Variants in ZBTB4 observed in about 807,000 individuals in gnomAD.
ZBTB4 encodes the protein zinc finger and BTB domain-containing protein 4.
Under a neutral mutation model 59.8 loss-of-function variants are expected in ZBTB4, and 14 were observed. That is an observed-to-expected ratio of 0.23 (90% CI 0.15 to 0.37). ZBTB4 has a LOEUF of 0.37. ZBTB4 is among the 10% of genes least tolerant of loss of function. The probability of loss-of-function intolerance (pLI) is 1.00; values close to 1 mark genes in which losing one functional copy is unlikely to be tolerated. For synonymous variants in ZBTB4, 587 were observed against 575.2 expected (o/e 1.02, Z -0.29); for missense variants, 1,198 against 1,380.8 (o/e 0.87, Z 2.10).
At chr17:7,465,017 G>C (rs777047070) in intron 3 of ZBTB4, among the ~76,000 whole-genome samples, 1 of 151,160 alleles carries the variant, frequency 6.6e-6, no homozygotes, top group East Asian at 1.9e-4. Flanking sequence ...TTAGCCGGGC[G>C]TGATGGCGGG....
intron 1 of ZBTB4, among the ~76,000 whole-genome samples, chr17:7,475,223 C>A (rs1226011267): frequency 6.6e-6 from 1 of 151,470 alleles, no homozygotes; most frequent in East Asian, 2.0e-4. Flanking sequence ...CGCCTGTAAC[C>A]CCAGCTACCC....
chr17:7,482,385 G>C (rs368097455), upstream of ZBTB4: 14 of 1,613,980 alleles, frequency 8.7e-6, no homozygotes, highest in East Asian at 2.7e-4. Flanking sequence ...GCCACTGTTC[G>C]CAAAGGTTCT....
chr17:7,464,961 A>C (rs184655236), intron 3 of ZBTB4, among the ~76,000 whole-genome samples: 4,203 of 141,372 alleles, frequency 0.03, 114 homozygotes, highest in East Asian at 0.11. Flanking sequence ...TCGAGACCAT[A>C]CTGGCTAACA....
chr17:7,474,668 C>T (rs898952136), intron 1 of ZBTB4, among the ~76,000 whole-genome samples: 4 of 152,116 alleles, frequency 2.6e-5, no homozygotes, highest in African/African-American at 9.7e-5. Flanking sequence ...TGGAAGCCAT[C>T]GTCCACGCTG....
intron 1 of ZBTB4, among the ~76,000 whole-genome samples, chr17:7,469,974 C>G (rs1158728816): frequency 6.6e-6 from 1 of 151,506 alleles, no homozygotes; most frequent in Non-Finnish European, 1.5e-5. Context: ...CCCAGCTACT[C>G]GGTAGGCTGG....
chr17:7,480,078 A>C (rs906539582), upstream of ZBTB4, among the ~76,000 whole-genome samples: 5 of 151,650 alleles, frequency 3.3e-5, no homozygotes, highest in East Asian at 3.9e-4. Context: ...ACACACACAC[A>C]CCCTCTCCAG....
Position 7,462,994 on chromosome 17 carries a change from A to G in ZBTB4, c.1988T>C (p.Leu663Pro), listed in dbSNP as rs2070051126. ...CTTGTAGGAGTAGTAGGGCCTCCAGAGCTGGTCCTCCCCACCAGCCTTTGA... is the reference window on the plus strand; with the variant it reads ...CTTGTAGGAGTAGTAGGGCCTCCAGGGCTGGTCCTCCCCACCAGCCTTTGA... ...EESKAGGEDQ[L>P]WRPYYSYKPK... The change falls in exon 4 of 4, where the codon CTC (leucine) becomes CCC (proline). Residue 663 changes from leucine to proline, a missense_variant. Transcript: ENST00000380599. This position sits in a 1 kb window ranked among gnomAD's most constrained non-coding sequence, Gnocchi z 7.5. 1 of 1,609,942 alleles carries G rather than the reference A, an allele frequency of 6.2e-7. No homozygotes were observed. Among genetic ancestry groups the G allele is most frequent in the Non-Finnish European group, 8.5e-7 (1 of 1,178,864 alleles).
rs1437274335 is a variant in ZBTB4 at position 7,463,163 on chromosome 17, G to A, written c.1819C>T (p.Arg607Ter). The A allele has an allele frequency of 6.2e-7, 1 of 1,607,000 alleles. No homozygotes were observed. Among genetic ancestry groups the A allele is most frequent in the Non-Finnish European group, 8.5e-7 (1 of 1,178,672 alleles). ...APPPLCQITV[R>*]IGEEAIVKRR... ...TTGACGATGGCCTCCTCCCCTATTC[G>A]CACAGTGATCTGACACAGTGGAGGT... The change falls in exon 4 of 4, where the codon CGA (arginine) becomes TGA (stop). Residue 607 changes from arginine (R) to a stop codon, truncating the protein, a stop_gained. Coordinates refer to ENST00000380599, the MANE Select transcript of ZBTB4 (RefSeq NM_001128833.2). LOFTEE classifies it high-confidence loss of function.
rs2070131616 is a variant in ZBTB4, at chr17:7,466,640, G to A, written c.162C>T (p.Phe54=). The change falls in exon 3 of 4, where the codon TTC becomes TTT. Residue 54 remains phenylalanine, a synonymous_variant. Coordinates refer to ENST00000380599, the MANE Select transcript of ZBTB4 (RefSeq NM_001128833.2). This position sits in a 1 kb window ranked among gnomAD's most constrained non-coding sequence, Gnocchi z 9.1. ...HRSVLAASSP[F]FREALLTSAP... is the part of the protein sequence containing the mutation. Reference sequence around the variant, plus strand: ...CTGAAGTGAGCAGGGCCTCTCTGAAGAAGGGACTTGAAGCAGCCAGGACGC... The same window carrying A: ...CTGAAGTGAGCAGGGCCTCTCTGAAAAAGGGACTTGAAGCAGCCAGGACGC... 8.1e-6 allele frequency: 13 copies of A among 1,613,782 alleles called. No individual in the cohort carries two copies. Among genetic ancestry groups the A allele is most frequent in the Non-Finnish European group, 9.3e-6 (11 of 1,179,976 alleles).
upstream of ZBTB4, chr17:7,483,546 G>A (rs2070375039): frequency 5.9e-6 from 1 of 170,014 alleles, no homozygotes; most frequent in African/African-American, 2.4e-5. Flanking sequence ...AAAGTCCTAC[G>A]ACCGTTCTCA....
chr17:7,481,755 T>C (rs1422426609), upstream of ZBTB4, among the ~76,000 whole-genome samples: 1 of 152,262 alleles, frequency 6.6e-6, no homozygotes, highest in African/African-American at 2.4e-5. Context: ...CAGGAACAAC[T>C]TACCCAGGGA....
At chr17:7,481,081 C>A (rs1053688411), upstream of ZBTB4, among the ~76,000 whole-genome samples, 6 of 151,584 alleles carry the variant, frequency 4.0e-5, no homozygotes, top group African/African-American at 1.5e-4. Flanking sequence ...ATTGCTTGAA[C>A]CCAGGAGGTG....
chr17:7,467,297 C>A lies in ZBTB4; in HGVS notation c.-50G>T. The A allele has an allele frequency of 1.0e-6, 1 of 971,094 alleles. No individual in the cohort carries two copies. The highest frequency in any genetic ancestry group is 1.2e-6 in the Non-Finnish European group (1 of 816,102). The allele number at this position is 971,094 out of a possible 1,614,324, so 60.2% of individuals were successfully genotyped here. On this transcript the variant is annotated 5_prime_UTR_variant, in exon 2 of 4. An upstream open reading frame in the 5' UTR loses its in-frame stop. Transcript: ENST00000380599. ...ACATGGAGTGGGGCGGGGGGTGGCT[C>A]AGCGAGTCCCTTCTGCTGGGCCTCT...
chr17:7,474,717 T>C (rs986701474), intron 1 of ZBTB4, among the ~76,000 whole-genome samples: 3 of 152,188 alleles, frequency 2.0e-5, no homozygotes, highest in African/African-American at 7.2e-5. Flanking sequence ...CAATTATAAC[T>C]TGACCACTTC....
chr17:7,483,297 A>G (rs1597786261), upstream of ZBTB4: 2 of 525,060 alleles, frequency 3.8e-6, no homozygotes, highest in South Asian at 4.3e-5. Context: ...GGCCACGGGG[A>G]GGACTTCACT....
intron 1 of ZBTB4, among the ~76,000 whole-genome samples, chr17:7,476,680 G>C (rs1380434544): frequency 6.6e-6 from 1 of 152,132 alleles, no homozygotes; most frequent in East Asian, 1.9e-4. Flanking sequence ...GGATGAGAAC[G>C]ATCATTCCTT....
At chr17:7,482,729 G>A (rs1255997588), upstream of ZBTB4, 1 of 1,612,058 alleles carries the variant, frequency 6.2e-7, no homozygotes, top group Admixed American at 1.7e-5. Flanking sequence ...GTTGCCCAGT[G>A]ATCTCCCGAG....
At position 7,462,880 on chromosome 17, in the gene ZBTB4, T is replaced by G; in HGVS notation, c.2102A>C (p.Lys701Thr). The G allele has an allele frequency of 6.2e-7, 1 of 1,607,328 alleles. No homozygotes were observed. Among genetic ancestry groups the G allele is most frequent in the Non-Finnish European group, 8.5e-7 (1 of 1,179,864 alleles). Residue 701 changes from lysine to threonine, a missense_variant, in exon 4 of 4, where the codon AAG becomes ACG. Coordinates refer to ENST00000380599, the MANE Select transcript of ZBTB4 (RefSeq NM_001128833.2). The surrounding 1 kb of genome is among the most constrained non-coding windows in gnomAD (Gnocchi z 7.5). ...RGRRPPRWRQ[K>T]LERRSWEETP... ...TTCCTCCCAGCTCCTCCGTTCCAGC[T>G]TCTGCCTCCAACGTGGTGGCCGGCG...
chr17:7,463,996 G>A (rs2070075548), intron 3 of ZBTB4, 106 bp from the exon 4 acceptor site: 14 of 1,496,526 alleles, frequency 9.4e-6, no homozygotes, highest in East Asian at 2.3e-5. Flanking sequence ...TGTGACTCCC[G>A]TAGCCTTGTG....
Sources: gnomAD v4.1 joint callset for allele counts (sites outside exome capture counted in the v4.1 genomes callset) on GRCh38, gnomAD v4.1.1 for gene constraint, Gnocchi (gnomAD v3.1) non-coding constraint, MANE v1.5 for transcripts, NCBI Gene and HGNC (gene_info 2026-07-23, HGNC 2026-07-21) for gene names.